Variants in SLC39A12 observed in about 807,000 individuals in gnomAD.
SLC39A12 encodes zinc transporter ZIP12.
In SLC39A12, 63 loss-of-function variants were observed where a neutral mutation model predicts 71.1. The observed-to-expected ratio is 0.89, with a 90% CI of 0.72 to 1.09. The LOEUF is 1.09. Ranked by LOEUF, SLC39A12 falls within the 50% of genes least tolerant of loss-of-function variation. The pLI is 0.00. For synonymous variants in SLC39A12, 351 were observed against 301.3 expected (o/e 1.16, Z -1.71); for missense variants, 892 against 812.6 (o/e 1.10, Z -1.19).
At chr10:18,022,733 G>A (rs146737252) in intron 12 of SLC39A12, among the ~76,000 whole-genome samples, 57 of 152,282 alleles carry the variant, frequency 3.7e-4, no homozygotes, top group African/African-American at 1.3e-3. Flanking sequence ...CAGGGTTCTT[G>A]TGCTGGTTCT....
intron 12 of SLC39A12, among the ~76,000 whole-genome samples, chr10:18,037,105 A>T (rs1299490181): frequency 1.3e-5 from 2 of 152,028 alleles, no homozygotes; most frequent in African/African-American, 4.8e-5. Flanking sequence ...GCTATAGATT[A>T]TACCTCTTTC....
intron 3 of SLC39A12, among the ~76,000 whole-genome samples, chr10:17,964,890 C>T (rs546342019): frequency 1.3e-5 from 2 of 152,250 alleles, no homozygotes; most frequent in Admixed American, 1.3e-4. Context: ...GCAGGAGTTC[C>T]CCTTGGAGAA....
chr10:17,977,507 T>C (rs1463690055), intron 4 of SLC39A12, among the ~76,000 whole-genome samples: 1 of 152,206 alleles, frequency 6.6e-6, no homozygotes, highest in Non-Finnish European at 1.5e-5. Flanking sequence ...TGCCATACCA[T>C]AGTTGCATTA....
chr10:17,995,587 A>C, intron 9 of SLC39A12, 69 bp from the exon 10 acceptor site: 2 of 1,408,220 alleles, frequency 1.4e-6, no homozygotes, highest in East Asian at 4.6e-5. Context: ...AACTCTCCAG[A>C]TGTTTCATTT....
At chr10:18,018,490 C>T (rs1836444678) in intron 12 of SLC39A12, among the ~76,000 whole-genome samples, 1 of 152,084 alleles carries the variant, frequency 6.6e-6, no homozygotes, top group African/African-American at 2.4e-5. Context: ...TAGTTTCTCA[C>T]CATTAGGTAT....
intron 2 of SLC39A12, 113 bp downstream of exon 2, chr10:17,953,650 A>G (rs1554847440): frequency 1.4e-5 from 17 of 1,214,078 alleles, no homozygotes; most frequent in Non-Finnish European, 1.8e-5. Flanking sequence ...CCAATATGCA[A>G]TTGAGCAATG....
chr10:17,985,767 C>G (rs1441185328), intron 6 of SLC39A12, among the ~76,000 whole-genome samples: 1 of 151,950 alleles, frequency 6.6e-6, no homozygotes, highest in Non-Finnish European at 1.5e-5. Context: ...TCCCTTTTCT[C>G]CTTTATTTCT....
intron 4 of SLC39A12, among the ~76,000 whole-genome samples, chr10:17,967,949 A>C (rs1485200792): frequency 6.7e-6 from 1 of 150,086 alleles, no homozygotes; most frequent in Non-Finnish European, 1.5e-5. Flanking sequence ...CAGAGATTGT[A>C]GGCATTTGTT....
chr10:17,994,667 A>G (rs909600467), intron 9 of SLC39A12, among the ~76,000 whole-genome samples: 9 of 152,178 alleles, frequency 5.9e-5, no homozygotes, highest in Non-Finnish European at 8.8e-5. Flanking sequence ...TAAGAGGTCT[A>G]CTTCCTGCTC....
At chr10:17,981,095 G>C (rs967694601) in intron 5 of SLC39A12, among the ~76,000 whole-genome samples, 14 of 152,172 alleles carry the variant, frequency 9.2e-5, no homozygotes, top group African/African-American at 3.1e-4. Flanking sequence ...ATAAGGCTCA[G>C]AATGAAAATG....
At chr10:17,998,181 C>T (rs1187153816) in intron 10 of SLC39A12, among the ~76,000 whole-genome samples, 1 of 152,158 alleles carries the variant, frequency 6.6e-6, no homozygotes, top group African/African-American at 2.4e-5. Flanking sequence ...TTATGGCTTA[C>T]ATGCAAATGT....
At chr10:17,957,359 C>T (rs1184637810) in intron 2 of SLC39A12, among the ~76,000 whole-genome samples, 1 of 152,070 alleles carries the variant, frequency 6.6e-6, no homozygotes, top group Non-Finnish European at 1.5e-5. Context: ...GAAAGGGGAG[C>T]CTCTCCTTGC....
chr10:17,969,216 G>A (rs939400350), intron 4 of SLC39A12, among the ~76,000 whole-genome samples: 1 of 152,142 alleles, frequency 6.6e-6, no homozygotes, highest in African/African-American at 2.4e-5. Context: ...GTTGCTTCCA[G>A]ATCTTAGGTA....
intron 12 of SLC39A12, among the ~76,000 whole-genome samples, chr10:18,017,843 C>G (rs1171453904): frequency 1.3e-5 from 2 of 152,136 alleles, no homozygotes; most frequent in African/African-American, 4.8e-5. Flanking sequence ...CAGTGTCAGT[C>G]TTTAATATTG....
At chr10:17,994,018 A>G (rs1363655065) in intron 9 of SLC39A12, among the ~76,000 whole-genome samples, 1 of 152,220 alleles carries the variant, frequency 6.6e-6, no homozygotes, top group Non-Finnish European at 1.5e-5. Flanking sequence ...GCAAAATAGA[A>G]GTTTGGGAGT....
intron 5 of SLC39A12, among the ~76,000 whole-genome samples, chr10:17,978,916 C>T (rs920833798): frequency 5.9e-5 from 9 of 152,272 alleles, no homozygotes; most frequent in Admixed American, 5.2e-4. Flanking sequence ...CACCTGGGAA[C>T]TTGTTGGAAA....
At chr10:18,033,383 G>T (rs1836906225) in intron 12 of SLC39A12, among the ~76,000 whole-genome samples, 1 of 149,570 alleles carries the variant, frequency 6.7e-6, no homozygotes, top group African/African-American at 2.5e-5. Context: ...TCTTGGGAGG[G>T]TGTATGTGTC....
chr10:18,026,984 A>G (rs779717558), intron 12 of SLC39A12, among the ~76,000 whole-genome samples: 13 of 152,262 alleles, frequency 8.5e-5, no homozygotes, highest in Middle Eastern at 3.4e-3. Flanking sequence ...TCCTGATCCA[A>G]TCATTTCAAC....
At chr10:18,018,736 T>C (rs1407110890) in intron 12 of SLC39A12, among the ~76,000 whole-genome samples, 1 of 152,188 alleles carries the variant, frequency 6.6e-6, no homozygotes, top group Non-Finnish European at 1.5e-5. Flanking sequence ...TCCCTCTTGA[T>C]TGTAGTTATA....
Sources: gnomAD v4.1 joint callset for allele counts (sites outside exome capture counted in the v4.1 genomes callset) on GRCh38, gnomAD v4.1.1 for gene constraint, MANE v1.5 for transcripts, NCBI Gene and HGNC (gene_info 2026-07-23, HGNC 2026-07-21) for gene names.